NT5DC1: variants seen among roughly 807,000 people sequenced by gnomAD.
The protein encoded by NT5DC1 is 5'-nucleotidase domain-containing protein 1.
NT5DC1 carries 42 observed loss-of-function variants against 59.4 expected under a neutral mutation model. The ratio of observed to expected loss-of-function variants is 0.71; its 90% confidence interval spans 0.55 to 0.92. NT5DC1 has a LOEUF of 0.92. Among genes scored for constraint, NT5DC1 ranks in the 40% least tolerant of loss-of-function variants. NT5DC1 has a pLI of 0.00. For synonymous variants in NT5DC1, 172 were observed against 188.1 expected, an observed-to-expected ratio of 0.91 and a Z score of 0.70; for missense variants, 501 against 537.1, an observed-to-expected ratio of 0.93 and a Z score of 0.66.
chr6:116,237,640 G>A (rs1782142850), intron 9 of NT5DC1: 4 of 384,658 alleles, frequency 1.0e-5, no homozygotes, highest in South Asian at 7.7e-5. Context: ...AAATTGAGAG[G>A]TATGGACTCA....
intron 6 of NT5DC1, among the ~76,000 whole-genome samples, chr6:116,190,640 C>T (rs1268233693): frequency 6.6e-6 from 1 of 152,018 alleles, no homozygotes; most frequent in Non-Finnish European, 1.5e-5. Flanking sequence ...TTACACAACT[C>T]TGCTTTATTG....
chr6:116,145,492 T>G, intron 6 of NT5DC1: 1 of 370,760 alleles, frequency 2.7e-6, no homozygotes, highest in Non-Finnish European at 6.1e-6. Flanking sequence ...TTCATACTTA[T>G]TTAAGAGATT....
At chr6:116,124,407 A>G (rs1414631382) in intron 6 of NT5DC1, among the ~76,000 whole-genome samples, 1 of 152,162 alleles carries the variant, frequency 6.6e-6, no homozygotes, top group African/African-American at 2.4e-5. Context: ...GAGGCCTAGA[A>G]GTTGCCCTCC....
chr6:116,112,750 C>T (rs1008732993), intron 4 of NT5DC1, among the ~76,000 whole-genome samples: 2 of 152,188 alleles, frequency 1.3e-5, no homozygotes, highest in Non-Finnish European at 2.9e-5. Flanking sequence ...CACTTTCATA[C>T]ATATATCTAG....
At chr6:116,135,834 GATAT>G (rs199827970) in intron 6 of NT5DC1, among the ~76,000 whole-genome samples, 13,398 of 102,220 alleles carry the variant, frequency 0.13, 846 homozygotes, top group South Asian at 0.23. Flanking sequence ...TATATTTTCA[GATAT>G]ATATATATAT....
rs754139727 is a variant in NT5DC1, at chr6:116,121,335, C to T, written c.529+3390C>T. ...GCAGCTCCTGGCTTTCCAATGCCTT[C>T]TGGCCCTCGTTCCCCAGGAGGGCCT... On this transcript the variant is annotated intron_variant, in intron 6 of 11. Coordinates refer to ENST00000319550, the MANE Select transcript of NT5DC1 (RefSeq NM_152729.3). 13 of 1,613,998 alleles carry T rather than the reference C, an allele frequency of 8.1e-6. No individual in the cohort carries two copies. Among genetic ancestry groups the T allele is most frequent in the Non-Finnish European group, 1.1e-5 (13 of 1,180,000 alleles).
At chr6:116,116,752 T>C (rs9488841) in intron 5 of NT5DC1, among the ~76,000 whole-genome samples, 40,142 of 152,022 alleles carry the variant, frequency 0.26, 5,752 homozygotes, top group Middle Eastern at 0.36. Context: ...AGCAATAGTT[T>C]GGGTATGTTT....
intron 11 of NT5DC1, among the ~76,000 whole-genome samples, chr6:116,242,797 G>T (rs915437957): frequency 3.3e-5 from 5 of 152,154 alleles, no homozygotes; most frequent in Non-Finnish European, 5.9e-5. Context: ...AGGGTTTGAG[G>T]AGACAACCAG....
chr6:116,120,121 A>G, intron 6 of NT5DC1: 1 of 1,614,132 alleles, frequency 6.2e-7, no homozygotes, highest in Non-Finnish European at 8.5e-7. Context: ...GGACATACTC[A>G]GAGGAGTATA....
intron 6 of NT5DC1, among the ~76,000 whole-genome samples, chr6:116,184,954 G>A (rs570561061): frequency 1.6e-4 from 25 of 151,982 alleles, no homozygotes; most frequent in African/African-American, 6.0e-4. Flanking sequence ...CTAGCTCCTT[G>A]AGTGTGACCT....
At chr6:116,203,076 G>A (rs1283344783) in intron 6 of NT5DC1, among the ~76,000 whole-genome samples, 1 of 151,830 alleles carries the variant, frequency 6.6e-6, no homozygotes, top group African/African-American at 2.4e-5. Context: ...TTTTATGGTA[G>A]GACACAGGAA....
intron 4 of NT5DC1, 66 bp downstream of exon 4, chr6:116,111,022 G>GTCAGGACAAAGAAGACCCCCCTT (rs1237698345): frequency 1.8e-6 from 2 of 1,127,964 alleles, no homozygotes; most frequent in Non-Finnish European, 2.7e-6. Context: ...AACCTTTGAT[G>GTCAGGACAAAGAAGACCCCCCTT]TCAGGACAAA....
intron 6 of NT5DC1, among the ~76,000 whole-genome samples, chr6:116,185,041 G>A (rs938370806): frequency 6.6e-6 from 1 of 151,864 alleles, no homozygotes; most frequent in Non-Finnish European, 1.5e-5. Context: ...GCTGTATTCT[G>A]GAGGTTTTGA....
chr6:116,228,379 A>G (rs769220418), intron 8 of NT5DC1, among the ~76,000 whole-genome samples: 9 of 152,158 alleles, frequency 5.9e-5, no homozygotes, highest in Non-Finnish European at 1.3e-4. Flanking sequence ...ATGGTGGCAC[A>G]TGCCTGTAAT....
intron 6 of NT5DC1, among the ~76,000 whole-genome samples, chr6:116,176,433 G>C (rs1358138017): frequency 6.6e-6 from 1 of 152,156 alleles, no homozygotes; most frequent in Non-Finnish European, 1.5e-5. Context: ...TGTACACCAG[G>C]GTCTTGGGGA....
chr6:116,186,658 T>G (rs1419465721), intron 6 of NT5DC1, among the ~76,000 whole-genome samples: 2 of 152,100 alleles, frequency 1.3e-5, no homozygotes, highest in Non-Finnish European at 2.9e-5. Flanking sequence ...TTCTACTTGT[T>G]CGATTCTGTT....
intron 5 of NT5DC1, among the ~76,000 whole-genome samples, chr6:116,116,073 A>G (rs1404323252): frequency 6.6e-6 from 1 of 152,182 alleles, no homozygotes; most frequent in Non-Finnish European, 1.5e-5. Context: ...AGCAAAATAA[A>G]TAGTTTCATT....
intron 8 of NT5DC1, among the ~76,000 whole-genome samples, chr6:116,227,833 G>A: frequency 6.6e-6 from 1 of 152,028 alleles, no homozygotes; most frequent in South Asian, 2.1e-4. Flanking sequence ...CTATTGAGAT[G>A]AGTTCCTTTT....
In NT5DC1 at chr6:116,161,766, T is replaced by A. The variant is rs59897072; in HGVS notation, c.529+43821T>A. On this transcript the variant is annotated intron_variant, in intron 6 of 11. Transcript: ENST00000319550. Reference sequence around the variant, plus strand: ...TTGTTTTTTCTAATTCTGTGAAATATAACATTGGTAATTTGATGGGAAGTT... The same window carrying A: ...TTGTTTTTTCTAATTCTGTGAAATAAAACATTGGTAATTTGATGGGAAGTT... Among the ~76,000 whole-genome samples the A allele has an allele frequency of 2.3e-3, 345 of 152,286 alleles. 2 individuals are homozygous for A. The highest frequency in any genetic ancestry group is 8.2e-3 in the African/African-American group (339 of 41,572).
Sources: gnomAD v4.1 joint callset for allele counts (sites outside exome capture counted in the v4.1 genomes callset) on GRCh38, gnomAD v4.1.1 for gene constraint, MANE v1.5 for transcripts, NCBI Gene and HGNC (gene_info 2026-07-23, HGNC 2026-07-21) for gene names.